RHBDF2: variants seen among roughly 807,000 people sequenced by gnomAD.
The protein encoded by RHBDF2 is rhomboid 5 homolog 2, also known as inactive rhomboid protein 2.
Under a neutral mutation model 95.2 loss-of-function variants are expected in RHBDF2, and 38 were observed. The ratio of observed to expected loss-of-function variants is 0.40; its 90% CI spans 0.31 to 0.52. The LOEUF (loss-of-function observed/expected upper bound fraction) is 0.52, where lower values mean the gene tolerates loss of function less well. RHBDF2 is among the 20% of genes least tolerant of loss of function. RHBDF2 has a pLI of 0.56. For synonymous variants in RHBDF2, 442 were observed against 462.0 expected (o/e 0.96, Z 0.55); for missense variants, 863 against 1,137.7 (o/e 0.76, Z 3.47).
intron 1 of RHBDF2, among the ~76,000 whole-genome samples, chr17:76,491,433 G>C (rs901834498): frequency 1.3e-5 from 1 of 79,012 alleles, no homozygotes; most frequent in Non-Finnish European, 3.7e-5. Context: ...GCAATCAGTT[G>C]GGGGGGGGTC....
At position 76,473,345 on chromosome 17, in the gene RHBDF2, C is replaced by T; in HGVS notation, c.1734-18G>A. On this transcript the variant is annotated intron_variant, in intron 15 of 18. Transcript: ENST00000675367. ...TCTCACAGCTAAGGGGGTGGTGAGG[C>T]AAGAGGGGACATCAGGGCGCCGAAT... 6.2e-7 allele frequency: 1 copy of T among 1,601,254 alleles called. No homozygotes were observed. Among genetic ancestry groups the T allele is most frequent in the Non-Finnish European group, 8.5e-7 (1 of 1,172,384 alleles).
chr17:76,474,970 C>A, intron 10 of RHBDF2, 60 bp downstream of exon 10: 3 of 1,475,830 alleles, frequency 2.0e-6, no homozygotes, highest in South Asian at 1.2e-5. Flanking sequence ...TAGGTACCCA[C>A]GACACTGAGG....
intron 1 of RHBDF2, among the ~76,000 whole-genome samples, chr17:76,493,906 T>A (rs1296500486): frequency 6.6e-6 from 1 of 152,222 alleles, no homozygotes; most frequent in African/African-American, 2.4e-5. Flanking sequence ...CGAACTCAGT[T>A]CAGAAGATCA....
In RHBDF2 at chr17:76,473,132, G is replaced by A. The variant is rs200941616; in HGVS notation, c.1810-27C>T. Reference sequence around the variant, plus strand: ...TGGGAGTGGGCATATGGTGCTCAGCGCCCCAGAAGCAGGCTGAGTCTGAGG... The same window carrying A: ...TGGGAGTGGGCATATGGTGCTCAGCACCCCAGAAGCAGGCTGAGTCTGAGG... On this transcript the variant is annotated intron_variant, in intron 16 of 18. Coordinates refer to ENST00000675367, the MANE Select transcript of RHBDF2 (RefSeq NM_001005498.4). 269 of 1,598,762 alleles carry A rather than the reference G, an allele frequency of 1.7e-4. 4 individuals are homozygous for A. In the Admixed American group the frequency reaches 4.2e-3, roughly 25 times the overall value.
At chr17:76,496,491 C>T (rs1054744776) in intron 1 of RHBDF2, among the ~76,000 whole-genome samples, 5 of 152,224 alleles carry the variant, frequency 3.3e-5, no homozygotes, top group Admixed American at 6.5e-5. Context: ...GGTGAGGACT[C>T]TGAGTGTTTG....
At chr17:76,483,267 C>A (rs529379112) in intron 2 of RHBDF2, among the ~76,000 whole-genome samples, 4 of 152,044 alleles carry the variant, frequency 2.6e-5, no homozygotes, top group South Asian at 2.1e-4. Flanking sequence ...TCAACACATA[C>A]GGACAGACCT....
intron 2 of RHBDF2, chr17:76,487,440 G>A (rs2074169396): frequency 6.6e-6 from 1 of 152,108 alleles, no homozygotes; most frequent in African/African-American, 2.4e-5. Flanking sequence ...TAGTAGAGAT[G>A]GGGTTTTGCC....
At position 76,477,749 on chromosome 17, in the gene RHBDF2, G is replaced by A. The variant is rs763172645; in HGVS notation, c.709C>T (p.Arg237Trp). 3.7e-5 allele frequency: 59 copies of A among 1,613,214 alleles called. No homozygotes were observed. The highest frequency in any genetic ancestry group is 5.0e-5 in the Admixed American group (3 of 59,998). ...AAGGCAAAGCTGCGCTTGACCACCC[G>A]GCACCGCTGTCCGGTGGCATCCAGC... ...SVLDATGQRCRVVKRSFAFPS... is the reference protein window; with the variant it reads ...SVLDATGQRCWVVKRSFAFPS... Residue 237 changes from arginine (R) to tryptophan (W), a missense_variant, in exon 7 of 19, where the codon CGG becomes TGG. Transcript: ENST00000675367.
At position 76,476,916 on chromosome 17, in the gene RHBDF2, G is replaced by A. The variant is rs61742551; in HGVS notation, c.1029C>T (p.Gly343=). ...TGCGGTTCAGCCAGTTGCCCACCAC[G>A]CCGAGGCCGTAGTGCCGCTTCTTCC... The part of the protein sequence containing the change: ...FDRKKRHYGL[G]VVGNWLNRSY... The change falls in exon 9 of 19, where the codon GGC becomes GGT. Residue 343 remains glycine, a synonymous_variant. Transcript: ENST00000675367. 49,935 of 1,613,682 alleles carry A rather than the reference G, an allele frequency of 0.031. 1,990 individuals carry two copies. Among genetic ancestry groups the A allele is most frequent in the South Asian group, 0.12 (10,951 of 91,082 alleles).
Position 76,476,856 on chromosome 17 carries a change from C to T in RHBDF2, c.1089G>A (p.Arg363=). 3 of 1,610,430 alleles carry T rather than the reference C, an allele frequency of 1.9e-6. No individual in the cohort carries two copies. The highest frequency in any genetic ancestry group is 2.5e-6 in the Non-Finnish European group (3 of 1,179,078). Residue 363 remains arginine, a synonymous_variant, in exon 9 of 19, where the codon CGG becomes CGA. Coordinates refer to ENST00000675367, the MANE Select transcript of RHBDF2 (RefSeq NM_001005498.4). ...GGTGGCTGTCGAAGCTCTCCAGCTG[C>T]CGCTGCACAGTGCTGCTGATGCTGC... ...YRRSISSTVQ[R]QLESFDSHRP... is the part of the protein sequence containing the mutation.
In RHBDF2 at chr17:76,477,890, C is replaced by T; in HGVS notation, c.673-105G>A. ...CAAGCCCATCCGCCTGCAGGCAGCG[C>T]CTTGGGAGGAGGGATCCTGCCCAAA... On this transcript the variant is annotated intron_variant, in intron 6 of 18. Coordinates refer to ENST00000675367, the MANE Select transcript of RHBDF2 (RefSeq NM_001005498.4). 2.0e-6 allele frequency: 3 copies of T among 1,504,252 alleles called. No homozygotes were observed. The Admixed American group carries it at 6.1e-5, about 30-fold the overall frequency. The allele number at this position is 1,504,252 out of a possible 1,614,324, so 93.2% of individuals were successfully genotyped here. A position where few individuals can be genotyped will look rare whatever the true frequency, so the allele number is the denominator to read the frequency against.
intron 1 of RHBDF2, among the ~76,000 whole-genome samples, chr17:76,498,820 G>GTC (rs2074499998): frequency 6.7e-6 from 1 of 150,158 alleles, no homozygotes; most frequent in African/African-American, 2.5e-5. Context: ...GTGTGTGTGT[G>GTC]TGTGAGTCTG....
intron 2 of RHBDF2, among the ~76,000 whole-genome samples, chr17:76,484,290 AC>A (rs538964605): frequency 6.7e-6 from 1 of 150,032 alleles, no homozygotes; most frequent in Non-Finnish European, 1.5e-5. Context: ...ATAAAAATAA[AC>A]CCCCCCAGCT....
Position 76,477,681 on chromosome 17 carries a change from C to T in RHBDF2, c.777G>A (p.Thr259=), listed in dbSNP as rs772203449. The T allele has an allele frequency of 6.8e-6, 11 of 1,614,112 alleles. No individual in the cohort carries two copies. The South Asian group carries it at 1.1e-4, about 16-fold the overall frequency. The change falls in exon 7 of 19, where the codon ACG becomes ACA. Residue 259 remains threonine (T), a synonymous_variant. Transcript: ENST00000675367. ...LEEDVVDGAD[T]FDSSFFSKEE... ...CCTTACTAAAAAAGGAGGAGTCAAA[C>T]GTGTCTGCCCCATCGACCACATCCT...
rs1385396876 is a variant in RHBDF2, at chr17:76,473,275, C to T, written c.1786G>A (p.Glu596Lys). The change falls in exon 16 of 19, where the codon GAG becomes AAG. Residue 596 changes from glutamate (E) to lysine (K), a missense_variant. Coordinates refer to ENST00000675367, the MANE Select transcript of RHBDF2 (RefSeq NM_001005498.4). ...ACCTGGGAGCAGAGTGTTGCTTCCTCATGGAAATAGCCGTGCATGAACTCA... is the reference window on the plus strand; with the variant it reads ...ACCTGGGAGCAGAGTGTTGCTTCCTTATGGAAATAGCCGTGCATGAACTCA... The part of the protein sequence containing the change: ...YCEFMHGYFH[E>K]EATLCSQVHC... 1 of 1,613,012 alleles carries T rather than the reference C, an allele frequency of 6.2e-7. No individual in the cohort carries two copies. The highest frequency in any genetic ancestry group is 2.2e-5 in the East Asian group (1 of 44,870).
At chr17:76,494,408 G>A (rs533101212) in intron 1 of RHBDF2, among the ~76,000 whole-genome samples, 28 of 152,282 alleles carry the variant, frequency 1.8e-4, no homozygotes, top group African/African-American at 6.7e-4. Flanking sequence ...ACACAGCGCT[G>A]GGCCCCACCC....
intron 2 of RHBDF2, among the ~76,000 whole-genome samples, chr17:76,486,395 G>A (rs12938013): frequency 0.6 from 90,818 of 151,970 alleles, 27,606 homozygotes; most frequent in Middle Eastern, 0.75. Flanking sequence ...GTGAGCCACT[G>A]TGCCCAGCCT....
intron 1 of RHBDF2, among the ~76,000 whole-genome samples, chr17:76,493,922 C>G (rs1344554758): frequency 3.3e-5 from 5 of 152,234 alleles, no homozygotes; most frequent in Non-Finnish European, 7.3e-5. Flanking sequence ...GATCAAGAAC[C>G]CCCAGGGGCA....
intron 2 of RHBDF2, among the ~76,000 whole-genome samples, chr17:76,487,111 G>A (rs192680113): frequency 2.6e-4 from 38 of 147,920 alleles, no homozygotes; most frequent in African/African-American, 7.8e-4. Context: ...GGCATGCACC[G>A]CCATGCCCAG....
Sources: gnomAD v4.1 joint callset for allele counts (sites outside exome capture counted in the v4.1 genomes callset) on GRCh38, gnomAD v4.1.1 for gene constraint, MANE v1.5 for transcripts, NCBI Gene and HGNC (gene_info 2026-07-23, HGNC 2026-07-21) for gene names.